DLC1: variants seen among roughly 807,000 people sequenced by gnomAD.
DLC1 encodes DLC1 Rho GTPase activating protein, also known as rho GTPase-activating protein 7.
DLC1 carries 54 observed loss-of-function variants against 140.3 expected under a neutral mutation model. That is an observed-to-expected ratio of 0.38 (90% CI 0.31 to 0.48). The LOEUF (loss-of-function observed/expected upper bound fraction) is 0.48, where lower values mean the gene tolerates loss of function less well. Among genes scored for constraint, DLC1 ranks in the 20% least tolerant of loss-of-function variants. The pLI is 0.96. For missense variants in DLC1, 2,536 were observed against 1,907.0 expected (o/e 1.33, Z -6.14); for synonymous variants, 986 against 728.1 (o/e 1.35, Z -5.70).
At chr8:13,431,858 A>G (rs1398859552) in intron 2 of DLC1, among the ~76,000 whole-genome samples, 1 of 152,190 alleles carries the variant, frequency 6.6e-6, no homozygotes, top group Non-Finnish European at 1.5e-5. Context: ...AGATGGAGAC[A>G]TAAAAAGATT....
chr8:13,360,350 C>G (rs1438364870), intron 4 of DLC1, among the ~76,000 whole-genome samples: 1 of 152,144 alleles, frequency 6.6e-6, no homozygotes, highest in Non-Finnish European at 1.5e-5. Flanking sequence ...CAACTGAAAT[C>G]AGAAATGTAT....
intron 1 of DLC1, among the ~76,000 whole-genome samples, chr8:13,556,632 A>C (rs1804055139): frequency 6.6e-6 from 1 of 152,132 alleles, no homozygotes; most frequent in African/African-American, 2.4e-5. Flanking sequence ...CAGACAATGT[A>C]CCAAGTAGTA....
In DLC1 at chr8:13,486,640, A is replaced by G. The variant is rs564058605; in HGVS notation, c.1023+12409T>C. Among the ~76,000 whole-genome samples the G allele has an allele frequency of 7.2e-5, 11 of 152,276 alleles. No homozygotes were observed. The South Asian group carries it at 2.1e-3, about 29-fold the overall frequency. On this transcript the variant is annotated intron_variant, in intron 2 of 17. Coordinates refer to ENST00000276297, the MANE Select transcript of DLC1 (RefSeq NM_182643.3). The stretch of plus-strand genomic sequence containing the variant: ...TTTAGTTCAAATGAAATGCAAGGGT[A>G]TTTAGTTTTTTCCAGCTGAAACATT...
intron 5 of DLC1, among the ~76,000 whole-genome samples, chr8:13,284,307 A>G (rs1050773975): frequency 2.0e-5 from 3 of 152,204 alleles, no homozygotes; most frequent in Admixed American, 2.0e-4. Flanking sequence ...CGAGTGGATC[A>G]CCTAACGTCA....
chr8:13,599,565 C>T (rs867124019), intron 1 of DLC1, among the ~76,000 whole-genome samples: 2 of 151,772 alleles, frequency 1.3e-5, no homozygotes, highest in Non-Finnish European at 1.5e-5. Flanking sequence ...AAGAACAAAC[C>T]AAGAACCTAA....
At chr8:13,281,354 G>C (rs951015954) in intron 5 of DLC1, among the ~76,000 whole-genome samples, 13 of 152,148 alleles carry the variant, frequency 8.5e-5, no homozygotes, top group Admixed American at 8.5e-4. Context: ...GGTGTATATT[G>C]ATGTTTGATA....
intron 5 of DLC1, among the ~76,000 whole-genome samples, chr8:13,185,598 C>T (rs1244442804): frequency 2.0e-5 from 3 of 152,108 alleles, no homozygotes; most frequent in Admixed American, 6.6e-5. Context: ...TGAGCCATGG[C>T]GCCCGGCCCA....
intron 2 of DLC1, among the ~76,000 whole-genome samples, chr8:13,456,911 A>G (rs182340121): frequency 5.4e-4 from 83 of 152,340 alleles, no homozygotes; most frequent in Non-Finnish European, 8.2e-4. Context: ...GAGAAAATCA[A>G]TTAAATCGGC....
intron 2 of DLC1, among the ~76,000 whole-genome samples, chr8:13,439,950 C>T (rs1194676632): frequency 3.3e-5 from 5 of 152,060 alleles, no homozygotes; most frequent in South Asian, 2.1e-4. Context: ...AGAGCATCTT[C>T]CCAGCAGAAG....
chr8:13,351,722 G>GAAT (rs1834674025), intron 4 of DLC1, among the ~76,000 whole-genome samples: 1 of 152,100 alleles, frequency 6.6e-6, no homozygotes, highest in Non-Finnish European at 1.5e-5. Context: ...TTCACTATCT[G>GAAT]ATCCTTTATA....
intron 5 of DLC1, among the ~76,000 whole-genome samples, chr8:13,262,797 A>C (rs1001339025): frequency 6.6e-6 from 1 of 152,218 alleles, no homozygotes; most frequent in African/African-American, 2.4e-5. Context: ...CAATATGATC[A>C]GAAGAAAGAC....
intron 2 of DLC1, among the ~76,000 whole-genome samples, chr8:13,440,756 C>G (rs760151081): frequency 1.3e-5 from 2 of 152,090 alleles, no homozygotes; most frequent in Non-Finnish European, 2.9e-5. Context: ...GTGAATAAGT[C>G]TCACGAGATC....
intron 2 of DLC1, among the ~76,000 whole-genome samples, chr8:13,452,338 A>T (rs1229645794): frequency 1.3e-5 from 2 of 152,140 alleles, no homozygotes; most frequent in Non-Finnish European, 2.9e-5. Context: ...TCTATTGTAT[A>T]AATTAAACAT....
chr8:13,579,315 TTATATATATATATATATATATATATA>T (rs369773134), intron 1 of DLC1, among the ~76,000 whole-genome samples: 1 of 10,668 alleles, frequency 9.4e-5, no homozygotes, highest in African/African-American at 3.4e-4. Flanking sequence ...AGGTCTGACT[TTATATATATATATATATATATATATA>T]TATATATATA....
At chr8:13,413,408 TTCTC>T (rs367547500) in intron 2 of DLC1, among the ~76,000 whole-genome samples, 71 of 150,806 alleles carry the variant, frequency 4.7e-4, no homozygotes, top group South Asian at 1.1e-3. Context: ...CTTAATATAT[TTCTC>T]TCTCTCTCTC....
chr8:13,484,577 A>T (rs937083362), intron 2 of DLC1, among the ~76,000 whole-genome samples: 1 of 152,136 alleles, frequency 6.6e-6, no homozygotes, highest in Non-Finnish European at 1.5e-5. Context: ...ATGGAACCGA[A>T]CACGAGTGAT....
chr8:13,341,035 T>A (rs756330423), intron 4 of DLC1: 1 of 152,144 alleles, frequency 6.6e-6, no homozygotes, highest in South Asian at 2.1e-4. Flanking sequence ...TTGAGACTCA[T>A]GGTGGGGAGA....
intron 5 of DLC1, among the ~76,000 whole-genome samples, chr8:13,294,415 T>G (rs1158069052): frequency 6.6e-6 from 1 of 152,200 alleles, no homozygotes; most frequent in Non-Finnish European, 1.5e-5. Context: ...CAGTTCAGAC[T>G]TGATGTGCTA....
intron 1 of DLC1, chr8:13,567,581 AT>A: frequency 6.4e-7 from 1 of 1,551,782 alleles, no homozygotes; most frequent in Non-Finnish European, 8.7e-7. Flanking sequence ...CACATATCTT[AT>A]CAGTGTCCCT....
Sources: gnomAD v4.1 joint callset for allele counts (sites outside exome capture counted in the v4.1 genomes callset) on GRCh38, gnomAD v4.1.1 for gene constraint, MANE v1.5 for transcripts, NCBI Gene and HGNC (gene_info 2026-07-23, HGNC 2026-07-21) for gene names.